Variants in NRCAM observed in about 807,000 individuals in gnomAD.
NRCAM encodes neuronal cell adhesion molecule.
Under a neutral mutation model 156.5 loss-of-function variants are expected in NRCAM, and 83 were observed. The ratio of observed to expected loss-of-function variants is 0.53; its 90% confidence interval spans 0.44 to 0.64. The LOEUF is 0.64. NRCAM is among the 30% of genes least tolerant of loss of function. The pLI, the probability that NRCAM is intolerant of heterozygous loss-of-function variation, is 0.00. For synonymous variants in NRCAM, 538 were observed against 563.9 expected, an observed-to-expected ratio of 0.95 and a Z score of 0.65; for missense variants, 1,417 against 1,597.3, an observed-to-expected ratio of 0.89 and a Z score of 1.92.
chr7:108,254,074 CG>C (rs1247161435), intron 3 of NRCAM, among the ~76,000 whole-genome samples: 5 of 152,104 alleles, frequency 3.3e-5, no homozygotes, highest in African/African-American at 1.2e-4. Context: ...GAGAATATCT[CG>C]CAACCTTAGT....
intron 28 of NRCAM, among the ~76,000 whole-genome samples, chr7:108,174,840 C>T (rs944832525): frequency 6.6e-5 from 10 of 152,354 alleles, no homozygotes; most frequent in East Asian, 3.9e-4. Context: ...GGCATTGCTA[C>T]GCTGTAATTC....
chr7:108,451,198 G>A (rs1272253438), intron 1 of NRCAM, among the ~76,000 whole-genome samples: 2 of 148,010 alleles, frequency 1.4e-5, no homozygotes, highest in African/African-American at 5.0e-5. Flanking sequence ...CAGCCCAAGT[G>A]ACAGGGCGAG....
intron 15 of NRCAM, among the ~76,000 whole-genome samples, chr7:108,194,687 C>T (rs1316767968): frequency 6.6e-6 from 1 of 152,222 alleles, no homozygotes; most frequent in African/African-American, 2.4e-5. Flanking sequence ...TCTGCATAAG[C>T]ATCCATTTTT....
intron 10 of NRCAM, 61 bp from the exon 11 acceptor site, chr7:108,223,897 C>T: frequency 1.2e-6 from 1 of 811,430 alleles, no homozygotes; most frequent in African/African-American, 1.7e-5. Context: ...ATAAACACTT[C>T]ATTGTCAAAA....
intron 2 of NRCAM, among the ~76,000 whole-genome samples, chr7:108,377,018 T>C (rs2099678731): frequency 6.7e-6 from 1 of 148,832 alleles, no homozygotes; most frequent in Non-Finnish European, 1.5e-5. Flanking sequence ...ATACAAAAAT[T>C]AGCTAGGTGT....
At chr7:108,394,485 C>T (rs57702906) in intron 2 of NRCAM, among the ~76,000 whole-genome samples, 1,700 of 152,282 alleles carry the variant, frequency 0.011, 43 homozygotes, top group African/African-American at 0.039. Context: ...GAGTATTTCT[C>T]TCTCCTCTTA....
intron 3 of NRCAM, among the ~76,000 whole-genome samples, chr7:108,304,183 A>G (rs2098679252): frequency 6.6e-6 from 1 of 152,126 alleles, no homozygotes; most frequent in Non-Finnish European, 1.5e-5. Flanking sequence ...CACTCAAGAC[A>G]TTGTGATTTT....
intron 30 of NRCAM, among the ~76,000 whole-genome samples, chr7:108,165,049 A>T (rs527524762): frequency 5.5e-4 from 84 of 152,318 alleles, no homozygotes; most frequent in African/African-American, 1.3e-3. Context: ...TTTCCTAAAC[A>T]TTTCTAACAA....
intron 2 of NRCAM, among the ~76,000 whole-genome samples, chr7:108,319,939 T>C (rs1284392637): frequency 6.6e-6 from 1 of 152,212 alleles, no homozygotes; most frequent in East Asian, 1.9e-4. Flanking sequence ...TTAAGAAAGC[T>C]GAGGGTGGAA....
chr7:108,159,367 T>A (rs901267192), intron 32 of NRCAM, 96 bp downstream of exon 32: 2 of 1,035,472 alleles, frequency 1.9e-6, no homozygotes, highest in Non-Finnish European at 1.5e-6. Flanking sequence ...GAGGAAAATA[T>A]GAGATGCCAG....
chr7:108,288,678 A>G (rs2154113806), intron 3 of NRCAM, among the ~76,000 whole-genome samples: 1 of 152,206 alleles, frequency 6.6e-6, no homozygotes, highest in Admixed American at 6.5e-5. Context: ...TCCCACTTCT[A>G]TTTAAATGCT....
At chr7:108,371,999 G>A (rs180760442) in intron 2 of NRCAM, among the ~76,000 whole-genome samples, 59 of 152,206 alleles carry the variant, frequency 3.9e-4, no homozygotes, top group African/African-American at 1.3e-3. Flanking sequence ...AAGACAGCAT[G>A]GTACTGGCAT....
At chr7:108,393,851 G>A (rs1483720797) in intron 2 of NRCAM, among the ~76,000 whole-genome samples, 2 of 152,152 alleles carry the variant, frequency 1.3e-5, no homozygotes, top group Non-Finnish European at 2.9e-5. Context: ...ATACACACAC[G>A]TGCTACATCA....
At position 108,232,355 on chromosome 7, in the gene NRCAM, A is replaced by G; in HGVS notation, c.398T>C (p.Val133Ala). ...CTARNERGAAVSNNIVVRPSR... is the reference protein window; with the variant it reads ...CTARNERGAAASNNIVVRPSR... ...TGGGCGGACAACAATGTTATTAGAA[A>G]CTGCAGCTCCGCGTTCGTTCCTTGC... Residue 133 changes from valine to alanine, a missense_variant, in exon 7 of 33, where the codon GTT (valine) becomes GCT (alanine). Physicochemically the swap from Val to Ala is moderately conservative, Grantham distance 64. This residue lies in a region of NRCAM where 1,238 missense variants were observed against 1,336.4 expected (regional missense o/e 0.93). Coordinates refer to ENST00000379028, the MANE Select transcript of NRCAM (RefSeq NM_001037132.4). The G allele has an allele frequency of 6.2e-7, 1 of 1,605,504 alleles. No individual in the cohort carries two copies. The highest frequency in any genetic ancestry group is 1.3e-5 in the African/African-American group (1 of 74,414).
At chr7:108,255,907 G>A (rs1201971695) in intron 3 of NRCAM, among the ~76,000 whole-genome samples, 14 of 88,888 alleles carry the variant, frequency 1.6e-4, no homozygotes, top group Admixed American at 7.0e-4. Flanking sequence ...CGCCCCGTCC[G>A]GGAGGTGGGG....
At chr7:108,187,812 G>A (rs1469830572) in intron 20 of NRCAM, among the ~76,000 whole-genome samples, 8 of 152,044 alleles carry the variant, frequency 5.3e-5, no homozygotes, top group Non-Finnish European at 1.2e-4. Flanking sequence ...AAAAGTAGCC[G>A]GGTGTGGTGG....
chr7:108,394,582 G>T (rs763693390), intron 2 of NRCAM, among the ~76,000 whole-genome samples: 3 of 152,090 alleles, frequency 2.0e-5, no homozygotes, highest in Non-Finnish European at 4.4e-5. Context: ...CTAATATGAT[G>T]ACACTAAATA....
chr7:108,231,234 G>A, intron 7 of NRCAM, 81 bp from the exon 8 acceptor site: 1 of 959,164 alleles, frequency 1.0e-6, no homozygotes, highest in Non-Finnish European at 1.5e-6. Context: ...AAGGCAAACT[G>A]AAGTTTTGGA....
chr7:108,424,758 A>G (rs1814807505), intron 1 of NRCAM, among the ~76,000 whole-genome samples: 1 of 152,210 alleles, frequency 6.6e-6, no homozygotes, highest in South Asian at 2.1e-4. Context: ...TAAAACATGT[A>G]TAATTATTAA....
Sources: allele counts gnomAD v4.1 joint callset (sites outside exome capture counted in the v4.1 genomes callset), GRCh38; gene constraint gnomAD v4.1.1; regional missense constraint gnomAD v4.1.1; transcripts MANE v1.5; gene names NCBI Gene and HGNC (gene_info 2026-07-23, HGNC 2026-07-21).